CA10: variants seen among roughly 807,000 people sequenced by gnomAD.
CA10 encodes carbonic anhydrase-related protein 10.
CA10 carries 14 observed loss-of-function variants against 44.2 expected under a neutral mutation model. The observed-to-expected ratio is 0.32, with a 90% CI of 0.21 to 0.50. CA10 has a LOEUF of 0.50. Ranked by LOEUF, CA10 falls within the 20% of genes least tolerant of loss-of-function variation. The probability of loss-of-function intolerance (pLI) is 0.99; values close to 1 mark genes in which losing one functional copy is unlikely to be tolerated. For synonymous variants in CA10, 159 were observed against 141.6 expected (o/e 1.12, Z -0.87); for missense variants, 350 against 409.7 (o/e 0.85, Z 1.26).
intron 2 of CA10, among the ~76,000 whole-genome samples, chr17:52,051,638 CAT>C (rs1319348736): frequency 6.6e-6 from 1 of 151,968 alleles, no homozygotes; most frequent in African/African-American, 2.4e-5. Context: ...CAAAATATAA[CAT>C]ATGCTGACAA....
chr17:51,716,100 C>A (rs1218710654), intron 4 of CA10, among the ~76,000 whole-genome samples: 2 of 152,164 alleles, frequency 1.3e-5, no homozygotes, highest in East Asian at 1.9e-4. Context: ...TAATTTGATT[C>A]AGAATTTTGT....
At chr17:52,144,642 T>A (rs950143266) in intron 1 of CA10, among the ~76,000 whole-genome samples, 1 of 152,242 alleles carries the variant, frequency 6.6e-6, no homozygotes, top group Admixed American at 6.5e-5. Context: ...TTTCCCCTAG[T>A]GAATCAGATT....
intron 2 of CA10, among the ~76,000 whole-genome samples, chr17:52,017,635 A>T (rs1307003201): frequency 6.6e-6 from 1 of 152,150 alleles, no homozygotes; most frequent in African/African-American, 2.4e-5. Context: ...TTAAAGTTTG[A>T]ATTTACAATA....
chr17:51,709,311 G>T (rs995969385), intron 4 of CA10, among the ~76,000 whole-genome samples: 10 of 152,224 alleles, frequency 6.6e-5, no homozygotes, highest in Non-Finnish European at 1.2e-4. Flanking sequence ...ACTTCAGAGA[G>T]TGAAGAGTAC....
At chr17:52,152,354 G>A (rs1402204513) in intron 1 of CA10, among the ~76,000 whole-genome samples, 1 of 152,116 alleles carries the variant, frequency 6.6e-6, no homozygotes, top group Non-Finnish European at 1.5e-5. Flanking sequence ...AGCTCCCTAA[G>A]TGGGCTCATC....
At chr17:52,120,174 C>A (rs753552910) in intron 1 of CA10, among the ~76,000 whole-genome samples, 1 of 152,188 alleles carries the variant, frequency 6.6e-6, no homozygotes, top group Non-Finnish European at 1.5e-5. Context: ...TTTTGAGCTG[C>A]CCTTACCCAT....
chr17:51,865,563 G>A (rs768456393), intron 3 of CA10, among the ~76,000 whole-genome samples: 89 of 152,244 alleles, frequency 5.8e-4, no homozygotes, highest in African/African-American at 1.9e-3. Flanking sequence ...TCAGGGAGCC[G>A]GTGGGGGGGA....
chr17:52,047,451 C>G (rs1395884578), intron 2 of CA10, among the ~76,000 whole-genome samples: 1 of 151,710 alleles, frequency 6.6e-6, no homozygotes, highest in East Asian at 1.9e-4. Flanking sequence ...AATAATATCT[C>G]AACAGAATAG....
At chr17:51,806,187 C>G (rs1384964240) in intron 3 of CA10, among the ~76,000 whole-genome samples, 1 of 152,210 alleles carries the variant, frequency 6.6e-6, no homozygotes, top group Admixed American at 6.5e-5. Context: ...ATACCTCAAT[C>G]CTCATTTAAA....
At chr17:51,878,396 C>G (rs1280216496) in intron 3 of CA10, among the ~76,000 whole-genome samples, 1 of 152,040 alleles carries the variant, frequency 6.6e-6, no homozygotes, top group Non-Finnish European at 1.5e-5. Context: ...TGGCAAGACG[C>G]AGAAAAACTC....
At position 51,714,491 on chromosome 17, in the gene CA10, T is replaced by C. The variant is rs111371563; in HGVS notation, c.465+33142A>G. Among the ~76,000 whole-genome samples the C allele has an allele frequency of 1.9e-3, 284 of 152,238 alleles. 1 individual carries two copies. The highest frequency in any genetic ancestry group is 6.3e-3 in the African/African-American group (262 of 41,540). Reference sequence around the variant, plus strand: ...TTTCCTTCCTCCCTCTGGAGCTCTTTGGGAGGTGGGCTGGGGTCCTCATCA... The same window carrying C: ...TTTCCTTCCTCCCTCTGGAGCTCTTCGGGAGGTGGGCTGGGGTCCTCATCA... On this transcript the variant is annotated intron_variant, in intron 4 of 8. Coordinates refer to ENST00000451037, the MANE Select transcript of CA10 (RefSeq NM_020178.5).
chr17:51,836,975 G>C (rs1469547268), intron 3 of CA10, among the ~76,000 whole-genome samples: 1 of 152,124 alleles, frequency 6.6e-6, no homozygotes, highest in Non-Finnish European at 1.5e-5. Context: ...AGGAGGGAAA[G>C]GGGGTGTAAG....
At chr17:52,143,920 A>G (rs1225990264) in intron 1 of CA10, among the ~76,000 whole-genome samples, 1 of 152,186 alleles carries the variant, frequency 6.6e-6, no homozygotes, top group African/African-American at 2.4e-5. Context: ...TCAATACAGT[A>G]TTTATCATCT....
intron 3 of CA10, among the ~76,000 whole-genome samples, chr17:51,821,043 C>T (rs1179442939): frequency 3.8e-5 from 4 of 104,584 alleles, no homozygotes; most frequent in African/African-American, 8.0e-5. Flanking sequence ...CTCCCTCCCT[C>T]CCTCCCTCCC....
chr17:51,792,285 C>G (rs1034963232), intron 3 of CA10, among the ~76,000 whole-genome samples: 1 of 152,206 alleles, frequency 6.6e-6, no homozygotes, highest in South Asian at 2.1e-4. Context: ...ATCCCTGTTG[C>G]TTCTCCATCT....
chr17:52,083,952 T>C (rs934071949), intron 1 of CA10, among the ~76,000 whole-genome samples: 7 of 152,196 alleles, frequency 4.6e-5, no homozygotes, highest in African/African-American at 1.2e-4. Flanking sequence ...GATTGAATGG[T>C]AGTCTATTTT....
intron 3 of CA10, among the ~76,000 whole-genome samples, chr17:51,917,520 G>A (rs1982051832): frequency 1.3e-5 from 2 of 152,218 alleles, no homozygotes; most frequent in Admixed American, 6.5e-5. Context: ...GTGGCTTACA[G>A]TTCTGTAGGC....
At chr17:51,751,121 G>A (rs181937426) in intron 3 of CA10, among the ~76,000 whole-genome samples, 5 of 152,202 alleles carry the variant, frequency 3.3e-5, no homozygotes, top group South Asian at 4.2e-4. Flanking sequence ...AAGCTATAAG[G>A]CATATTGAAA....
chr17:51,641,937 T>C (rs971968), intron 6 of CA10, among the ~76,000 whole-genome samples: 64,700 of 151,964 alleles, frequency 0.43, 14,443 homozygotes, highest in Non-Finnish European at 0.48. Context: ...CAAGGCACGG[T>C]AGTTTCAGAG....
Sources: gnomAD v4.1 joint callset for allele counts (sites outside exome capture counted in the v4.1 genomes callset) on GRCh38, gnomAD v4.1.1 for gene constraint, MANE v1.5 for transcripts, NCBI Gene and HGNC (gene_info 2026-07-23, HGNC 2026-07-21) for gene names.